KCNC2: variants seen among roughly 807,000 people sequenced by gnomAD.
KCNC2 encodes voltage-gated potassium channel KCNC2.
A neutral mutation model predicts 44.5 loss-of-function variants in KCNC2; 21 were observed. The observed-to-expected ratio is 0.47, with a 90% confidence interval of 0.33 to 0.68. The LOEUF (loss-of-function observed/expected upper bound fraction) is 0.68. Ranked by LOEUF, KCNC2 falls within the 30% of genes least tolerant of loss-of-function variation. The probability of loss-of-function intolerance (pLI) is 0.01; values close to 1 mark genes in which losing one functional copy is unlikely to be tolerated. For synonymous variants in KCNC2, 391 were observed against 339.1 expected (o/e 1.15, Z -1.68); for missense variants, 589 against 826.2 (o/e 0.71, Z 3.52).
intron 2 of KCNC2, among the ~76,000 whole-genome samples, chr12:75,148,031 G>A (rs1481654958): frequency 1.3e-5 from 2 of 151,962 alleles, no homozygotes; most frequent in African/African-American, 2.4e-5. Context: ...AAGAACATGG[G>A]CTATTGATTA....
At chr12:75,053,975 C>A (rs1275254672) in intron 2 of KCNC2, among the ~76,000 whole-genome samples, 6 of 151,584 alleles carry the variant, frequency 4.0e-5, no homozygotes, top group South Asian at 2.1e-4. Flanking sequence ...GTAATCCCAG[C>A]ACTTTGGGAG....
chr12:75,207,766 C>A lies in KCNC2; in HGVS notation c.218G>T (p.Gly73Val). ...GCCGCCCTCGAAGCAGCCGCCTGGC[C>A]CGGGGGACAGCGGGGGCGCTCTCGG... ...PPPRAPPLSP[G>V]PGGCFEGGAG... The change falls in exon 2 of 5, where the codon GGG becomes GTG. Residue 73 changes from glycine to valine, a missense_variant. Gly to Val is a moderately radical substitution (Grantham distance 109, BLOSUM62 -3). Coordinates refer to ENST00000549446, the MANE Select transcript of KCNC2 (RefSeq NM_139137.4). The surrounding 1 kb of genome is among the most constrained non-coding windows in gnomAD (Gnocchi z 4.1). The A allele has an allele frequency of 6.3e-7, 1 of 1,575,928 alleles. No individual in the cohort carries two copies. The highest frequency in any genetic ancestry group is 8.6e-7 in the Non-Finnish European group (1 of 1,161,432).
intron 2 of KCNC2, among the ~76,000 whole-genome samples, chr12:75,187,705 T>C (rs1291747002): frequency 6.6e-6 from 1 of 152,196 alleles, no homozygotes; most frequent in African/African-American, 2.4e-5. Flanking sequence ...CATTTACTAT[T>C]GCCTGTCTGA....
chr12:75,174,672 C>A (rs1892061516), intron 2 of KCNC2, among the ~76,000 whole-genome samples: 1 of 151,818 alleles, frequency 6.6e-6, no homozygotes, highest in South Asian at 2.1e-4. Flanking sequence ...TTCCATTCCC[C>A]AACTACTGGT....
chr12:75,070,538 A>G (rs975711535), intron 2 of KCNC2, among the ~76,000 whole-genome samples: 5 of 151,944 alleles, frequency 3.3e-5, no homozygotes, highest in African/African-American at 1.2e-4. Context: ...ATTAAATAAC[A>G]GTATGTAGAA....
chr12:75,176,634 T>C (rs994540280), intron 2 of KCNC2, among the ~76,000 whole-genome samples: 1 of 152,026 alleles, frequency 6.6e-6, no homozygotes, highest in African/African-American at 2.4e-5. Flanking sequence ...TAGTCTTCTA[T>C]GATTGAACTT....
chr12:75,160,684 T>C (rs536345006), intron 2 of KCNC2, among the ~76,000 whole-genome samples: 3 of 151,932 alleles, frequency 2.0e-5, no homozygotes, highest in South Asian at 4.1e-4. Flanking sequence ...CTGGTAACAA[T>C]GTTGTGGATG....
intron 2 of KCNC2, among the ~76,000 whole-genome samples, chr12:75,058,303 A>G (rs986126246): frequency 6.6e-6 from 1 of 151,700 alleles, no homozygotes; most frequent in African/African-American, 2.4e-5. Flanking sequence ...CAAAATTGCA[A>G]TTATTTAAAA....
chr12:75,176,255 A>G (rs1205843723), intron 2 of KCNC2, among the ~76,000 whole-genome samples: 1 of 151,842 alleles, frequency 6.6e-6, no homozygotes, highest in South Asian at 2.1e-4. Flanking sequence ...ACTGTCATCC[A>G]CTCCAGCCCT....
chr12:75,055,449 A>G (rs1881636748), intron 2 of KCNC2, among the ~76,000 whole-genome samples: 1 of 152,082 alleles, frequency 6.6e-6, no homozygotes. Context: ...GGGGAAGAGA[A>G]TCACACTGCC....
intron 2 of KCNC2, among the ~76,000 whole-genome samples, chr12:75,071,937 C>CAAAAAAA (rs751849483): frequency 0.021 from 1,403 of 67,130 alleles, 197 homozygotes; most frequent in Middle Eastern, 0.043. Context: ...GACTCCTTCT[C>CAAAAAAA]AAAAAAAAAA....
intron 2 of KCNC2, among the ~76,000 whole-genome samples, chr12:75,188,644 G>A (rs893727354): frequency 2.0e-5 from 3 of 151,400 alleles, no homozygotes; most frequent in Non-Finnish European, 2.9e-5. Context: ...GGTGGATCAC[G>A]AGGTCAGGAG....
chr12:75,105,931 T>C (rs1886745315), intron 2 of KCNC2, among the ~76,000 whole-genome samples: 1 of 151,558 alleles, frequency 6.6e-6, no homozygotes, highest in Non-Finnish European at 1.5e-5. Flanking sequence ...TTTTTTAGAC[T>C]TGGGGAGATC....
intron 2 of KCNC2, chr12:75,140,278 C>T (rs1889545931): frequency 6.6e-6 from 1 of 152,146 alleles, no homozygotes; most frequent in South Asian, 2.1e-4. Flanking sequence ...TAATATCCAA[C>T]TGGCCAAAGT....
In KCNC2 at chr12:75,040,583, C is replaced by A. The variant is rs1879798418; in HGVS notation, c.*2522G>T. On this transcript the variant is annotated 3_prime_UTR_variant, in exon 5 of 5. Transcript: ENST00000549446. ...AACTATGAATAATGTTGGTGAGTTC[C>A]ATTTAAGCTATAACAATTTCCCAGA... The A allele has an allele frequency of 6.5e-6, 1 of 153,934 alleles. No individual in the cohort carries two copies. Among genetic ancestry groups the A allele is most frequent in the Admixed American group, 6.4e-5 (1 of 15,594 alleles). The allele number at this position is 153,934 out of a possible 1,614,324, so 9.5% of individuals were successfully genotyped here.
chr12:75,096,330 T>C (rs1377162280), intron 2 of KCNC2, among the ~76,000 whole-genome samples: 1 of 152,070 alleles, frequency 6.6e-6, no homozygotes, highest in African/African-American at 2.4e-5. Context: ...AAAAATATTT[T>C]GGAACAGCTT....
chr12:75,076,975 G>A (rs1310154318), intron 2 of KCNC2, among the ~76,000 whole-genome samples: 1 of 151,836 alleles, frequency 6.6e-6, no homozygotes, highest in East Asian at 1.9e-4. Flanking sequence ...TAGATTATTT[G>A]TTGTTTGTTT....
At chr12:75,140,088 C>G (rs1292723866) in intron 2 of KCNC2, 5 of 152,116 alleles carry the variant, frequency 3.3e-5, no homozygotes, top group East Asian at 1.9e-4. Context: ...CTAATGGTCT[C>G]TCCTGTGGTC....
At chr12:75,126,889 G>A (rs1888463793) in intron 2 of KCNC2, among the ~76,000 whole-genome samples, 1 of 152,034 alleles carries the variant, frequency 6.6e-6, no homozygotes, top group African/African-American at 2.4e-5. Context: ...ATGGTATAGA[G>A]CCAACTCTTT....
Sources: gnomAD v4.1 joint callset for allele counts (sites outside exome capture counted in the v4.1 genomes callset) on GRCh38, gnomAD v4.1.1 for gene constraint, Gnocchi (gnomAD v3.1) non-coding constraint, MANE v1.5 for transcripts, NCBI Gene and HGNC (gene_info 2026-07-23, HGNC 2026-07-21) for gene names.